The following SLC35D2 variants were observed in gnomAD, a reference collection of about 807,000 sequenced individuals.
SLC35D2 encodes the protein nucleotide sugar transporter SLC35D2.
Under a neutral mutation model 41.8 loss-of-function variants are expected in SLC35D2, and 43 were observed. The ratio of observed to expected loss-of-function variants is 1.03; its 90% CI spans 0.81 to 1.33. SLC35D2 has a LOEUF of 1.33. Ranked by LOEUF, SLC35D2 falls within the 40% of genes most tolerant of loss-of-function variation. The pLI is 0.00. For missense variants in SLC35D2, 380 were observed against 408.4 expected, an observed-to-expected ratio of 0.93 and a Z score of 0.60; for synonymous variants, 150 against 163.9, an observed-to-expected ratio of 0.92 and a Z score of 0.65.
intron 7 of SLC35D2, among the ~76,000 whole-genome samples, chr9:96,344,657 C>A (rs1587677844): frequency 7.7e-6 from 1 of 129,692 alleles, no homozygotes; most frequent in Admixed American, 9.1e-5. Context: ...GCACAAAGAG[C>A]TTGGAACAAA....
intron 9 of SLC35D2, among the ~76,000 whole-genome samples, chr9:96,332,761 A>C (rs2130866753): frequency 6.6e-6 from 1 of 151,918 alleles, no homozygotes; most frequent in Non-Finnish European, 1.5e-5. Context: ...ACTGGGTGAC[A>C]CAGCGAGACT....
intron 3 of SLC35D2, among the ~76,000 whole-genome samples, chr9:96,361,715 G>GAA (rs78821033): frequency 1.6e-5 from 2 of 126,162 alleles, no homozygotes; most frequent in Non-Finnish European, 1.7e-5. Context: ...AACAAAAACA[G>GAA]AAAAAAAAAA....
At chr9:96,338,748 C>T (rs1829172822) in intron 8 of SLC35D2, among the ~76,000 whole-genome samples, 2 of 152,150 alleles carry the variant, frequency 1.3e-5, no homozygotes, top group South Asian at 4.1e-4. Context: ...GTCTTTCCAG[C>T]AAGCCCCAAG....
intron 8 of SLC35D2, among the ~76,000 whole-genome samples, chr9:96,343,096 G>C (rs1442312884): frequency 6.6e-6 from 1 of 152,186 alleles, no homozygotes; most frequent in Non-Finnish European, 1.5e-5. Flanking sequence ...CATCAGCAAA[G>C]TTCTCAGAGG....
chr9:96,360,278 T>G, intron 3 of SLC35D2, 57 bp from the exon 4 acceptor site: 1 of 1,321,014 alleles, frequency 7.6e-7, no homozygotes, highest in Non-Finnish European at 1.1e-6. Flanking sequence ...AGCATTTTCC[T>G]TCACATATAA....
At chr9:96,322,419 G>A (rs923278972) in intron 10 of SLC35D2, among the ~76,000 whole-genome samples, 6 of 151,988 alleles carry the variant, frequency 3.9e-5, no homozygotes, top group African/African-American at 9.7e-5. Flanking sequence ...TACTCCACAC[G>A]GACTGAAGTG....
intron 4 of SLC35D2, among the ~76,000 whole-genome samples, chr9:96,358,584 C>T (rs1205855923): frequency 6.6e-6 from 1 of 152,184 alleles, no homozygotes; most frequent in Non-Finnish European, 1.5e-5. Context: ...AAAAACAACC[C>T]TTCCTGGTCA....
intron 9 of SLC35D2, among the ~76,000 whole-genome samples, chr9:96,329,155 T>C (rs1408932348): frequency 6.6e-6 from 1 of 151,974 alleles, no homozygotes; most frequent in Non-Finnish European, 1.5e-5. Context: ...ATTGAATAAT[T>C]TGGCAGGAGA....
intron 8 of SLC35D2, among the ~76,000 whole-genome samples, chr9:96,343,378 T>C (rs1411460093): frequency 2.0e-5 from 3 of 152,166 alleles, no homozygotes. Context: ...ATGGCTGGGA[T>C]AGGTTTTAAA....
Position 96,371,491 on chromosome 9 carries a change from A to C in SLC35D2, c.159-3186T>G, listed in dbSNP as rs1564125359. Among the ~76,000 whole-genome samples, 4 of 146,838 alleles carry C rather than the reference A, an allele frequency of 2.7e-5. No homozygotes were observed. The East Asian group carries it at 6.0e-4, about 22-fold the overall frequency. On this transcript the variant is annotated intron_variant, in intron 1 of 11. Transcript: ENST00000253270. ...CTCTGTCTCAAAAAAAAAAAAAAAAAAAAAAAAAAAAAAAATTTAAACACT... is the reference window on the plus strand; with the variant it reads ...CTCTGTCTCAAAAAAAAAAAAAAAACAAAAAAAAAAAAAAATTTAAACACT...
Position 96,321,351 on chromosome 9 carries a change from G to GA in SLC35D2, c.915-11dup, listed in dbSNP as rs757378621. 6.3e-5 allele frequency: 101 copies of GA among 1,596,908 alleles called. No individual in the cohort carries two copies. Among genetic ancestry groups the GA allele is most frequent in the South Asian group, 2.6e-4 (23 of 89,030 alleles). ...CAAGCCCCCTGCCATGCTGAAAGGA[G>GA]AAAAAAAAGTGAAAATAAATGACTG... On this transcript the variant is annotated splice_polypyrimidine_tract_variant and intron_variant, in intron 11 of 11. Coordinates refer to ENST00000253270, the MANE Select transcript of SLC35D2 (RefSeq NM_007001.3).
chr9:96,343,267 C>T (rs1293981179), intron 8 of SLC35D2, among the ~76,000 whole-genome samples: 2 of 152,216 alleles, frequency 1.3e-5, no homozygotes, highest in African/African-American at 4.8e-5. Flanking sequence ...TTATTTGTCT[C>T]TCACCAGCAG....
intron 11 of SLC35D2, among the ~76,000 whole-genome samples, chr9:96,315,465 G>C (rs1483846132): frequency 1.6e-5 from 2 of 124,406 alleles, no homozygotes; most frequent in Admixed American, 9.0e-5. Flanking sequence ...ACGGAGTCTC[G>C]CTCTGTTGCC....
chr9:96,360,642 A>AG (rs1255616973), intron 3 of SLC35D2, among the ~76,000 whole-genome samples: 1 of 149,786 alleles, frequency 6.7e-6, no homozygotes, highest in Non-Finnish European at 1.5e-5. Flanking sequence ...AAAAAAAAAA[A>AG]AAAAAAAAAA....
At chr9:96,322,876 G>A (rs184738862) in intron 10 of SLC35D2, among the ~76,000 whole-genome samples, 17 of 151,982 alleles carry the variant, frequency 1.1e-4, no homozygotes, top group Middle Eastern at 3.4e-3. Context: ...TCACCACCAC[G>A]CCTGGCTCAT....
intron 1 of SLC35D2, among the ~76,000 whole-genome samples, chr9:96,377,468 C>G (rs1831007991): frequency 6.6e-6 from 1 of 152,228 alleles, no homozygotes; most frequent in African/African-American, 2.4e-5. Context: ...AATAAACTTT[C>G]TCCCAGCACA....
chr9:96,356,505 C>T (rs1331065933), intron 4 of SLC35D2, among the ~76,000 whole-genome samples: 1 of 146,010 alleles, frequency 6.8e-6, no homozygotes, highest in East Asian at 2.0e-4. Context: ...TGTACTTATG[C>T]TTTCCAATTT....
At position 96,320,971 on chromosome 9, in the gene SLC35D2, T is replaced by C. The variant is rs1828191129; in HGVS notation, c.*271A>G. The C allele has an allele frequency of 2.9e-6, 1 of 347,268 alleles. No homozygotes were observed. Among genetic ancestry groups the C allele is most frequent in the Non-Finnish European group, 5.3e-6 (1 of 187,930 alleles). 21.5% of individuals were successfully genotyped at this position (347,268 alleles called of 1,614,324 possible). A position where few individuals can be genotyped will look rare whatever the true frequency, so the allele number is the denominator to read the frequency against. On this transcript the variant is annotated 3_prime_UTR_variant, in exon 12 of 12. Coordinates refer to ENST00000253270, the MANE Select transcript of SLC35D2 (RefSeq NM_007001.3). The stretch of plus-strand genomic sequence containing the variant: ...ATGCCACGAAGGCCCCATAGGTCCC[T>C]AGAAGAGCAGCTGGGGCTCCACCTA...
intron 1 of SLC35D2, among the ~76,000 whole-genome samples, chr9:96,374,616 C>T (rs1426124394): frequency 6.6e-6 from 1 of 150,712 alleles, no homozygotes; most frequent in African/African-American, 2.4e-5. Flanking sequence ...GGGTGGATCA[C>T]GAGATCAGGA....
Sources: gnomAD v4.1 joint callset for allele counts (sites outside exome capture counted in the v4.1 genomes callset) on GRCh38, gnomAD v4.1.1 for gene constraint, MANE v1.5 for transcripts, NCBI Gene and HGNC (gene_info 2026-07-23, HGNC 2026-07-21) for gene names.